The following GPR75 variants were observed in gnomAD, a reference collection of about 807,000 sequenced individuals.
GPR75 encodes probable G protein-coupled receptor 75.
GPR75 carries 27 observed loss-of-function variants against 26.0 expected under a neutral mutation model. That is an observed-to-expected ratio of 1.04 (90% CI 0.77 to 1.43). The LOEUF (loss-of-function observed/expected upper bound fraction) is 1.43. Ranked by LOEUF, GPR75 falls within the 40% of genes most tolerant of loss-of-function variation. The pLI is 0.00. For synonymous variants in GPR75, 285 were observed against 256.3 expected, an observed-to-expected ratio of 1.11 and a Z score of -1.07; for missense variants, 699 against 662.3, an observed-to-expected ratio of 1.06 and a Z score of -0.61.
In GPR75 at chr2:53,853,381, T is replaced by C. The variant is rs965635797; in HGVS notation, c.1376A>G (p.Lys459Arg). 7 of 1,614,144 alleles carry C rather than the reference T, an allele frequency of 4.3e-6. No homozygotes were observed. Among genetic ancestry groups the C allele is most frequent in the Non-Finnish European group, 5.1e-6 (6 of 1,179,998 alleles). The part of the protein sequence containing the change: ...SHSKESMVSP[K>R]ISAGHQHCGQ... Reference sequence around the variant, plus strand: ...ACAGTGTTGATGTCCAGCAGAGATCTTGGGACTCACCATACTTTCTTTTGA... The same window carrying C: ...ACAGTGTTGATGTCCAGCAGAGATCCTGGGACTCACCATACTTTCTTTTGA... The change falls in exon 2 of 2, where the codon AAG becomes AGG. Residue 459 changes from lysine (K) to arginine (R), a missense_variant. Lys to Arg is a conservative substitution (Grantham distance 26). Coordinates refer to ENST00000394705, the MANE Select transcript of GPR75 (RefSeq NM_006794.4).
intron 1 of GPR75, among the ~76,000 whole-genome samples, chr2:53,859,627 G>C (rs1272914121): frequency 7.1e-6 from 1 of 141,302 alleles, no homozygotes; most frequent in Non-Finnish European, 1.6e-5. Context: ...GTGGGTGGGT[G>C]GGGGGGGTTC....
chr2:53,855,965 G>A (rs1371714674), intron 1 of GPR75, among the ~76,000 whole-genome samples: 2 of 152,174 alleles, frequency 1.3e-5, no homozygotes, highest in East Asian at 3.9e-4. Flanking sequence ...TTTACAAGGT[G>A]CAAAGCACCA....
rs770621885 is a variant in GPR75 at position 53,853,746 on chromosome 2, C to T, written c.1011G>A (p.Leu337=). The T allele has an allele frequency of 1.1e-5, 18 of 1,614,020 alleles. No homozygotes were observed. Among genetic ancestry groups the T allele is most frequent in the Non-Finnish European group, 1.4e-5 (16 of 1,180,020 alleles). Residue 337 remains leucine (L), a synonymous_variant, in exon 2 of 2, where the codon CTG becomes CTA. Coordinates refer to ENST00000394705, the MANE Select transcript of GPR75 (RefSeq NM_006794.4). ...GAACCACCTGTACCAAGGAAATCCC[C>T]AGTGGAAGACAGCACACCAGGACTG... ...VLSVLVCCLP[L]GISLVQVVLS... is the part of the protein sequence containing the mutation.
intron 1 of GPR75, among the ~76,000 whole-genome samples, chr2:53,855,539 G>T (rs1278649342): frequency 6.6e-6 from 1 of 152,064 alleles, no homozygotes; most frequent in East Asian, 1.9e-4. Context: ...TGGAAGGGGG[G>T]AACCTACTCC....
Position 53,855,600 on chromosome 2 carries a change from G to A in GPR75, c.-109-735C>T, listed in dbSNP as rs141381842. ...ATAAAGGGAGCTTTAGCAAGCACAG[G>A]CCAGCTGGATGAAAGGTCGGGGGTA... On this transcript the variant is annotated intron_variant, in intron 1 of 1. Coordinates refer to ENST00000394705, the MANE Select transcript of GPR75 (RefSeq NM_006794.4). Among the ~76,000 whole-genome samples, 12 of 152,206 alleles carry A rather than the reference G, an allele frequency of 7.9e-5. No homozygotes were observed. The East Asian group carries it at 2.3e-3, about 29-fold the overall frequency.
chr2:53,859,733 C>A (rs1273399718), intron 1 of GPR75, 95 bp downstream of exon 1: 1 of 918,734 alleles, frequency 1.1e-6, no homozygotes, highest in Non-Finnish European at 1.6e-6. Flanking sequence ...CGGGCCTGGC[C>A]CAGCGCAGCC....
intron 1 of GPR75, among the ~76,000 whole-genome samples, chr2:53,858,402 G>GACAC (rs61090357): frequency 0.09 from 13,070 of 144,986 alleles, 620 homozygotes; most frequent in East Asian, 0.15. Flanking sequence ...GATACAGATA[G>GACAC]ACACACACAC....
At chr2:53,858,703 T>C (rs1443641784) in intron 1 of GPR75, among the ~76,000 whole-genome samples, 2 of 152,174 alleles carry the variant, frequency 1.3e-5, no homozygotes, top group African/African-American at 4.8e-5. Context: ...AATGACATGA[T>C]GACGGCAGAA....
At chr2:53,858,558 AG>A (rs1401975281) in intron 1 of GPR75, among the ~76,000 whole-genome samples, 2 of 152,158 alleles carry the variant, frequency 1.3e-5, no homozygotes, top group African/African-American at 2.4e-5. Context: ...GAAAAAGCAG[AG>A]GACAGAAAAG....
At position 53,853,552 on chromosome 2, in the gene GPR75, T is replaced by C. The variant is rs1351369936; in HGVS notation, c.1205A>G (p.Lys402Arg). The C allele has an allele frequency of 1.9e-6, 3 of 1,614,032 alleles. No individual in the cohort carries two copies. The highest frequency in any genetic ancestry group is 2.7e-5 in the African/African-American group (2 of 74,906). The change falls in exon 2 of 2, where the codon AAA becomes AGA. Residue 402 changes from lysine (K) to arginine (R), a missense_variant. Lys to Arg is a conservative substitution (Grantham distance 26). Transcript: ENST00000394705. ...CATGGCTCGAAGTCGAGTCTTTTGT[T>C]TGCAGCAGAAAAAACCCAGGCCTAT... ...QYIGLGFFCC[K>R]QKTRLRAMGK...
At chr2:53,857,338 G>A (rs1233121612) in intron 1 of GPR75, among the ~76,000 whole-genome samples, 1 of 152,122 alleles carries the variant, frequency 6.6e-6, no homozygotes, top group Admixed American at 6.6e-5. Context: ...GAAAAGGGAA[G>A]TAGAAGAGAA....
Position 53,854,731 on chromosome 2 carries a change from T to C in GPR75, c.26A>G (p.Asp9Gly). MNSTGHLQDAPNATSLHVP... is the reference protein window; with the variant it reads MNSTGHLQGAPNATSLHVP... ...ATGGAGCGAGGTGGCATTGGGGGCATCCTGAAGGTGGCCTGTTGAGTTCAT... is the reference window on the plus strand; with the variant it reads ...ATGGAGCGAGGTGGCATTGGGGGCACCCTGAAGGTGGCCTGTTGAGTTCAT... Residue 9 changes from aspartate to glycine, a missense_variant, in exon 2 of 2, where the codon GAT becomes GGT. Physicochemically the swap from Asp to Gly is moderately conservative, Grantham distance 94. Coordinates refer to ENST00000394705, the MANE Select transcript of GPR75 (RefSeq NM_006794.4). The C allele has an allele frequency of 6.2e-7, 1 of 1,613,626 alleles. No individual in the cohort carries two copies. Among genetic ancestry groups the C allele is most frequent in the Non-Finnish European group, 8.5e-7 (1 of 1,179,700 alleles).
rs1678239300 is a variant in GPR75 at position 53,856,858 on chromosome 2, T to TA, written c.-109-1994dup. On this transcript the variant is annotated intron_variant, in intron 1 of 1. Transcript: ENST00000394705. ...TTGTTTCTTGATGGTTAGAATTTTT[T>TA]AAAAATAGTACCAGATAGCTCTATT... Among the ~76,000 whole-genome samples, 3 of 151,798 alleles carry TA rather than the reference T, an allele frequency of 2.0e-5. No homozygotes were observed. The South Asian group carries it at 6.2e-4, about 32-fold the overall frequency.
chr2:53,857,218 C>G (rs906271377), intron 1 of GPR75, among the ~76,000 whole-genome samples: 1 of 151,748 alleles, frequency 6.6e-6, no homozygotes. Context: ...CCACCCGCCT[C>G]GGCCTCCCAA....
chr2:53,859,062 A>T (rs1344492784), intron 1 of GPR75, among the ~76,000 whole-genome samples: 1 of 150,304 alleles, frequency 6.7e-6, no homozygotes, highest in African/African-American at 2.5e-5. Flanking sequence ...AGCCTCTGAT[A>T]TATCTAGTGT....
chr2:53,859,225 C>G (rs1414877663), intron 1 of GPR75, among the ~76,000 whole-genome samples: 1 of 151,776 alleles, frequency 6.6e-6, no homozygotes, highest in African/African-American at 2.4e-5. Context: ...GAGCAAGGTT[C>G]TGTATTATTG....
chr2:53,859,960 G>A lies in GPR75; in HGVS notation c.-242C>T, dbSNP rs1678337338. 3 of 1,474,112 alleles carry A rather than the reference G, an allele frequency of 2.0e-6. No individual in the cohort carries two copies. The highest frequency in any genetic ancestry group is 2.7e-6 in the Non-Finnish European group (3 of 1,114,162). The allele number at this position is 1,474,112 out of a possible 1,614,324, so 91.3% of individuals were successfully genotyped here. Reference sequence around the variant, plus strand: ...CGCCTCCGCGCATCCCGGGAGCCGCGGCAAGACGCGGGCGCAGAGGCGCAG... The same window carrying A: ...CGCCTCCGCGCATCCCGGGAGCCGCAGCAAGACGCGGGCGCAGAGGCGCAG... On this transcript the variant is annotated 5_prime_UTR_variant, in exon 1 of 2. Transcript: ENST00000394705.
chr2:53,859,773 G>C, intron 1 of GPR75, 55 bp downstream of exon 1: 1 of 1,375,182 alleles, frequency 7.3e-7, no homozygotes, highest in African/African-American at 1.5e-5. Context: ...CAGCCTCCGG[G>C]AGCCGTCTCC....
At position 53,853,505 on chromosome 2, in the gene GPR75, T is replaced by G; in HGVS notation, c.1252A>C (p.Asn418His). 1 of 1,614,176 alleles carries G rather than the reference T, an allele frequency of 6.2e-7. No individual in the cohort carries two copies. Residue 418 changes from asparagine to histidine, a missense_variant, in exon 2 of 2, where the codon AAC (asparagine) becomes CAC (histidine). Physicochemically the swap from Asn to His is moderately conservative, Grantham distance 68. Coordinates refer to ENST00000394705, the MANE Select transcript of GPR75 (RefSeq NM_006794.4). ...RAMGKGNLEVNRNKSSHHETN... is the reference protein window; with the variant it reads ...RAMGKGNLEVHRNKSSHHETN... ...TCATGATGGGAGGATTTGTTTCTGT[T>G]GACTTCGAGGTTCCCTTTTCCCATG...
Sources: gnomAD v4.1 joint callset for allele counts (sites outside exome capture counted in the v4.1 genomes callset) on GRCh38, gnomAD v4.1.1 for gene constraint, MANE v1.5 for transcripts, NCBI Gene and HGNC (gene_info 2026-07-23, HGNC 2026-07-21) for gene names.